Variants in CYB5R4 observed in about 807,000 individuals in gnomAD.
The protein encoded by CYB5R4 is cytochrome b5 reductase 4.
CYB5R4 carries 55 observed loss-of-function variants against 70.2 expected under a neutral mutation model. The observed-to-expected ratio is 0.78, with a 90% confidence interval of 0.63 to 0.98. CYB5R4 has a LOEUF of 0.98. Among genes scored for constraint, CYB5R4 ranks in the 50% least tolerant of loss-of-function variants. The probability of loss-of-function intolerance (pLI) is 0.00; values close to 1 mark genes in which losing one functional copy is unlikely to be tolerated. For synonymous variants in CYB5R4, 197 were observed against 199.5 expected (o/e 0.99, Z 0.11); for missense variants, 562 against 612.6 (o/e 0.92, Z 0.87).
intron 2 of CYB5R4, among the ~76,000 whole-genome samples, chr6:83,882,753 C>T (rs1008452446): frequency 6.6e-5 from 10 of 152,064 alleles, no homozygotes; most frequent in South Asian, 6.2e-4. Context: ...TATGGGAGCC[C>T]GAGGTGGGTG....
intron 10 of CYB5R4, among the ~76,000 whole-genome samples, chr6:83,924,846 T>C (rs540490096): frequency 6.6e-6 from 1 of 152,328 alleles, no homozygotes; most frequent in South Asian, 2.1e-4. Context: ...GAAGCCCACT[T>C]GTGCTTAGAC....
intron 2 of CYB5R4, among the ~76,000 whole-genome samples, chr6:83,873,235 CTTTTTTTTT>C (rs927399068): frequency 2.0e-5 from 2 of 99,810 alleles, no homozygotes; most frequent in Non-Finnish European, 3.9e-5. Flanking sequence ...GGGTATCCTT[CTTTTTTTTT>C]TTTTTTTTTT....
rs1012959984 is a variant in CYB5R4 at position 83,914,421 on chromosome 6, C to T, written c.418C>T (p.Arg140Cys). Reference sequence around the variant, plus strand: ...TTTTCTAAATCACTATACAGACTATCGTGAGGAGGAAAAGAAAGTCTTAAA... The same window carrying T: ...TTTTCTAAATCACTATACAGACTATTGTGAGGAGGAAAAGAAAGTCTTAAA... ...AIKPAVLKDYREEEKKVLNGM... is the reference protein window; with the variant it reads ...AIKPAVLKDYCEEEKKVLNGM... Residue 140 changes from arginine to cysteine, a missense_variant, in exon 5 of 16, where the codon CGT becomes TGT. Coordinates refer to ENST00000369681, the MANE Select transcript of CYB5R4 (RefSeq NM_016230.4). 2.0e-6 allele frequency: 3 copies of T among 1,528,988 alleles called. No homozygotes were observed. Among genetic ancestry groups the T allele is most frequent in the African/African-American group, 1.4e-5 (1 of 71,956 alleles). The allele number at this position is 1,528,988 out of a possible 1,614,324, so 94.7% of individuals were successfully genotyped here.
intron 3 of CYB5R4, among the ~76,000 whole-genome samples, chr6:83,907,542 C>T (rs963084629): frequency 6.6e-6 from 1 of 151,424 alleles, no homozygotes; most frequent in Admixed American, 6.6e-5. Flanking sequence ...TAGGTAAACT[C>T]ATGTCATGAG....
chr6:83,878,625 C>T (rs760531709), intron 2 of CYB5R4, among the ~76,000 whole-genome samples: 20 of 152,128 alleles, frequency 1.3e-4, no homozygotes, highest in African/African-American at 2.4e-4. Context: ...GGATTACAGG[C>T]GTGAGCCACC....
At chr6:83,914,591 G>T in intron 5 of CYB5R4, 143 bp downstream of exon 5, 1 of 666,462 alleles carries the variant, frequency 1.5e-6, no homozygotes, top group Non-Finnish European at 2.2e-6. Context: ...AGGCTGGAGT[G>T]CAGTGGCACC....
chr6:83,945,504 G>A (rs559818250), intron 14 of CYB5R4, among the ~76,000 whole-genome samples: 1 of 151,902 alleles, frequency 6.6e-6, no homozygotes, highest in Non-Finnish European at 1.5e-5. Context: ...ACATCACAAT[G>A]AGAAGAACTA....
chr6:83,924,023 T>C (rs914695278), intron 9 of CYB5R4, among the ~76,000 whole-genome samples: 1 of 123,704 alleles, frequency 8.1e-6, no homozygotes, highest in Non-Finnish European at 1.6e-5. Flanking sequence ...TGAGCCAAGA[T>C]CACGCCACTG....
At chr6:83,872,319 A>G (rs920111366) in intron 2 of CYB5R4, among the ~76,000 whole-genome samples, 7 of 152,180 alleles carry the variant, frequency 4.6e-5, no homozygotes, top group African/African-American at 1.7e-4. Flanking sequence ...TGTGTCAGTT[A>G]TATGCTATGT....
intron 12 of CYB5R4, among the ~76,000 whole-genome samples, chr6:83,939,579 T>A (rs1425109418): frequency 2.0e-5 from 3 of 152,244 alleles, no homozygotes; most frequent in Non-Finnish European, 4.4e-5. Flanking sequence ...TATTTCAATT[T>A]TCTCTCCTAC....
At chr6:83,895,692 A>G (rs918920051) in intron 3 of CYB5R4, among the ~76,000 whole-genome samples, 1 of 152,212 alleles carries the variant, frequency 6.6e-6, no homozygotes, top group Non-Finnish European at 1.5e-5. Context: ...AGAATTCACA[A>G]GAAGTGCTAT....
rs73477110 is a variant in CYB5R4, at chr6:83,878,823, T to C, written c.229+14495T>C. On this transcript the variant is annotated intron_variant, in intron 2 of 15. Transcript: ENST00000369681. ...TGTATTTTGCTATTGTTACCATCAG[T>C]GTACCACAGACTTCAAATTCCTCCA... 3.9e-3 allele frequency among the ~76,000 whole-genome samples: 591 copies of C among 152,240 alleles called. 2 individuals carry two copies. Among genetic ancestry groups the C allele is most frequent in the African/African-American group, 0.013 (546 of 41,538 alleles).
At chr6:83,900,360 T>A (rs375043106) in intron 3 of CYB5R4, among the ~76,000 whole-genome samples, 2 of 152,124 alleles carry the variant, frequency 1.3e-5, no homozygotes, top group African/African-American at 4.8e-5. Context: ...GTTCTTTTAC[T>A]TTTGCTGAGG....
Position 83,903,795 on chromosome 6 carries a change from T to G in CYB5R4, c.331-5214T>G, listed in dbSNP as rs188844555. The stretch of plus-strand genomic sequence containing the variant: ...TGATAGGTTGTATGTTTCCAGGAAT[T>G]TATCCATTTTCTCTAGGTTTTCCAG... On this transcript the variant is annotated intron_variant, in intron 3 of 15. Coordinates refer to ENST00000369681, the MANE Select transcript of CYB5R4 (RefSeq NM_016230.4). Among the ~76,000 whole-genome samples, 199 of 152,204 alleles carry G rather than the reference T, an allele frequency of 1.3e-3. 1 individual carries two copies. Among genetic ancestry groups the G allele is most frequent in the African/African-American group, 4.6e-3 (192 of 41,558 alleles).
At chr6:83,901,253 G>T (rs2099462899) in intron 3 of CYB5R4, among the ~76,000 whole-genome samples, 1 of 152,254 alleles carries the variant, frequency 6.6e-6, no homozygotes, top group Admixed American at 6.5e-5. Context: ...GAAATTGTGG[G>T]TTGAAAATTC....
chr6:83,940,662 T>C, intron 14 of CYB5R4, 61 bp downstream of exon 14: 1 of 1,507,520 alleles, frequency 6.6e-7, no homozygotes, highest in Non-Finnish European at 8.8e-7. Context: ...AGTCTATGCC[T>C]TATCTTCTCT....
In CYB5R4 at chr6:83,859,696, G is replaced by C; in HGVS notation, c.-87G>C. 6.8e-7 allele frequency: 1 copy of C among 1,462,012 alleles called. No homozygotes were observed. The highest frequency in any genetic ancestry group is 9.4e-7 in the Non-Finnish European group (1 of 1,059,668). The allele number at this position is 1,462,012 out of a possible 1,614,324, so 90.6% of individuals were successfully genotyped here. A position where few individuals can be genotyped will look rare whatever the true frequency, so the allele number is the denominator to read the frequency against. ...ACCCCGGAAGTGGGTCGGGGGCTTG[G>C]CCTCTGCCCGGCCACAGAGCCGGAG... On this transcript the variant is annotated 5_prime_UTR_variant, in exon 1 of 16. Transcript: ENST00000369681.
At chr6:83,932,918 C>T (rs1203620908) in intron 10 of CYB5R4, among the ~76,000 whole-genome samples, 3 of 152,128 alleles carry the variant, frequency 2.0e-5, no homozygotes, top group South Asian at 2.1e-4. Flanking sequence ...TTAAGAATCC[C>T]GAATTTGAAC....
intron 14 of CYB5R4, among the ~76,000 whole-genome samples, chr6:83,944,403 C>T (rs1171001826): frequency 1.3e-5 from 2 of 152,160 alleles, no homozygotes; most frequent in Non-Finnish European, 2.9e-5. Context: ...TTCGTCACCA[C>T]CAGGCCTGCC....
Sources: gnomAD v4.1 joint callset for allele counts (sites outside exome capture counted in the v4.1 genomes callset) on GRCh38, gnomAD v4.1.1 for gene constraint, MANE v1.5 for transcripts, NCBI Gene and HGNC (gene_info 2026-07-23, HGNC 2026-07-21) for gene names.